Variants in STAP1 observed in about 807,000 individuals in gnomAD.
STAP1 encodes the protein signal transducing adaptor family member 1, also known as signal-transducing adaptor protein 1.
Under a neutral mutation model 37.8 loss-of-function variants are expected in STAP1, and 30 were observed. That is an observed-to-expected ratio of 0.79 (90% CI 0.59 to 1.08). The LOEUF (loss-of-function observed/expected upper bound fraction) is 1.08. STAP1 is among the 50% of genes least tolerant of loss of function. The probability of loss-of-function intolerance (pLI) is 0.00; values close to 1 mark genes in which losing one functional copy is unlikely to be tolerated. For synonymous variants in STAP1, 130 were observed against 116.0 expected (o/e 1.12, Z -0.78); for missense variants, 357 against 349.4 (o/e 1.02, Z -0.17).
At chr4:67,559,850 A>G (rs11728903) in intron 1 of STAP1, among the ~76,000 whole-genome samples, 68,585 of 151,998 alleles carry the variant, frequency 0.45, 17,391 homozygotes, top group Non-Finnish European at 0.58. Flanking sequence ...TGAAAAATCT[A>G]TAATAGCATA....
At chr4:67,562,995 G>A (rs1727385508) in intron 1 of STAP1, among the ~76,000 whole-genome samples, 1 of 151,998 alleles carries the variant, frequency 6.6e-6, no homozygotes, top group Non-Finnish European at 1.5e-5. Context: ...TTCTTCCTTA[G>A]GTAAATGTAC....
intron 6 of STAP1, among the ~76,000 whole-genome samples, chr4:67,588,952 C>G (rs761762299): frequency 3.3e-5 from 5 of 152,152 alleles, no homozygotes; most frequent in Non-Finnish European, 7.3e-5. Context: ...GTGCCAGACA[C>G]TGTACTAAGG....
intron 5 of STAP1, among the ~76,000 whole-genome samples, chr4:67,582,312 G>GTTT (rs55915212): frequency 2.0e-5 from 3 of 147,456 alleles, no homozygotes; most frequent in African/African-American, 5.0e-5. Flanking sequence ...TTTTTTTTTT[G>GTTT]TTTTTTTTGT....
chr4:67,592,181 G>A (rs1042103472), intron 7 of STAP1, among the ~76,000 whole-genome samples: 2 of 152,006 alleles, frequency 1.3e-5, no homozygotes, highest in African/African-American at 4.8e-5. Context: ...GAGCACAGTG[G>A]CTGTTCACAG....
intron 1 of STAP1, among the ~76,000 whole-genome samples, chr4:67,567,515 T>C (rs939700539): frequency 2.0e-5 from 3 of 152,254 alleles, no homozygotes; most frequent in Non-Finnish European, 4.4e-5. Flanking sequence ...AATATGACTT[T>C]TCTGCTCATC....
chr4:67,602,485 G>A (rs1258884587), intron 8 of STAP1, among the ~76,000 whole-genome samples: 1 of 152,046 alleles, frequency 6.6e-6, no homozygotes. Flanking sequence ...ATCCTTCTTG[G>A]AAAGGTTTTC....
intron 1 of STAP1, among the ~76,000 whole-genome samples, 168 bp downstream of exon 1, chr4:67,559,097 G>T (rs374744621): frequency 2.6e-5 from 4 of 152,136 alleles, no homozygotes; most frequent in African/African-American, 9.6e-5. Flanking sequence ...TAAATACAAT[G>T]TCTGGCTTAA....
intron 6 of STAP1, 22 bp from the exon 7 acceptor site, chr4:67,590,862 C>T: frequency 6.4e-7 from 1 of 1,566,558 alleles, no homozygotes; most frequent in Non-Finnish European, 8.7e-7. Flanking sequence ...AAAATGGAGA[C>T]TAACCATTTG....
At position 67,606,510 on chromosome 4, in the gene STAP1, A is replaced by G. The variant is rs1218605176; in HGVS notation, c.*153A>G. On this transcript the variant is annotated 3_prime_UTR_variant, in exon 9 of 9. Transcript: ENST00000265404. ...ATTAGAATTAAACATTGTACCATAC[A>G]ATTTCATTATCTTATCAGAATGAAA... 2 of 645,642 alleles carry G rather than the reference A, an allele frequency of 3.1e-6. No individual in the cohort carries two copies. Among genetic ancestry groups the G allele is most frequent in the African/African-American group, 3.8e-5 (2 of 52,794 alleles). The allele number at this position is 645,642 out of a possible 1,614,324, so 40.0% of individuals were successfully genotyped here. A position where few individuals can be genotyped will look rare whatever the true frequency, so the allele number is the denominator to read the frequency against.
At chr4:67,589,761 T>C (rs923921248) in intron 6 of STAP1, among the ~76,000 whole-genome samples, 1 of 152,100 alleles carries the variant, frequency 6.6e-6, no homozygotes, top group Non-Finnish European at 1.5e-5. Context: ...GATCTCAGTG[T>C]AAATTTGCTT....
chr4:67,567,907 T>C (rs2109855787), intron 1 of STAP1, among the ~76,000 whole-genome samples: 1 of 152,276 alleles, frequency 6.6e-6, no homozygotes, highest in South Asian at 2.1e-4. Context: ...CAGCCAACCA[T>C]AGAATGGTGA....
intron 7 of STAP1, 21 bp from the exon 8 acceptor site, chr4:67,593,239 T>C (rs766344346): frequency 1.9e-6 from 3 of 1,570,482 alleles, no homozygotes; most frequent in Admixed American, 3.6e-5. Flanking sequence ...CTGAGTTTTC[T>C]CTCACTCTCT....
At chr4:67,588,569 C>T (rs1456657763) in intron 6 of STAP1, among the ~76,000 whole-genome samples, 1 of 151,988 alleles carries the variant, frequency 6.6e-6, no homozygotes, top group African/African-American at 2.4e-5. Flanking sequence ...ACCACCACGC[C>T]CGGCTAATTT....
In STAP1 at chr4:67,593,247, T is replaced by C. The variant is rs1728158602; in HGVS notation, c.730-13T>C. The C allele has an allele frequency of 1.9e-6, 3 of 1,587,508 alleles. No individual in the cohort carries two copies. Among genetic ancestry groups the C allele is most frequent in the East Asian group, 4.5e-5 (2 of 44,404 alleles). On this transcript the variant is annotated splice_polypyrimidine_tract_variant and intron_variant, in intron 7 of 8. Coordinates refer to ENST00000265404, the MANE Select transcript of STAP1 (RefSeq NM_012108.4). ...GGTGATGCTGAGTTTTCTCTCACTC[T>C]CTATTAATACAGGTAACACTCCCAA... is the stretch of plus-strand genomic sequence containing the variant.
chr4:67,603,084 C>T (rs929752657), intron 8 of STAP1, among the ~76,000 whole-genome samples: 2 of 152,146 alleles, frequency 1.3e-5, no homozygotes, highest in East Asian at 3.9e-4. Context: ...TGCAGCTGAG[C>T]TGGCACCCAA....
At chr4:67,559,125 T>C (rs1727278321) in intron 1 of STAP1, among the ~76,000 whole-genome samples, 196 bp downstream of exon 1, 2 of 152,176 alleles carry the variant, frequency 1.3e-5, no homozygotes, top group African/African-American at 4.8e-5. Flanking sequence ...TGTATACACA[T>C]ATATAATATG....
At chr4:67,575,275 T>C in intron 2 of STAP1, 110 bp from the exon 3 acceptor site, 2 of 642,282 alleles carry the variant, frequency 3.1e-6, no homozygotes, top group South Asian at 2.5e-5. Context: ...CAGGATATCA[T>C]ACAAAGTACT....
chr4:67,566,529 G>T (rs1727474832), intron 1 of STAP1, among the ~76,000 whole-genome samples: 1 of 152,178 alleles, frequency 6.6e-6, no homozygotes, highest in Non-Finnish European at 1.5e-5. Flanking sequence ...GAACAGAGCA[G>T]TACACTCACT....
intron 1 of STAP1, among the ~76,000 whole-genome samples, chr4:67,560,652 C>G (rs10002486): frequency 0.74 from 110,718 of 149,692 alleles, 41,892 homozygotes; most frequent in Non-Finnish European, 0.85. Flanking sequence ...GGGTGTGTGT[C>G]TGTGTGTGTG....
Sources: allele counts gnomAD v4.1 joint callset (sites outside exome capture counted in the v4.1 genomes callset), GRCh38; gene constraint gnomAD v4.1.1; transcripts MANE v1.5; gene names NCBI Gene and HGNC (gene_info 2026-07-23, HGNC 2026-07-21).